PIAS2: variants seen among roughly 807,000 people sequenced by gnomAD.
PIAS2 encodes E3 SUMO-protein ligase PIAS2.
Under a neutral mutation model 69.7 loss-of-function variants are expected in PIAS2, and 19 were observed. The observed-to-expected ratio is 0.27, with a 90% CI of 0.19 to 0.40. The LOEUF (loss-of-function observed/expected upper bound fraction) is 0.40. Ranked by LOEUF, PIAS2 falls within the 10% of genes least tolerant of loss-of-function variation. PIAS2 has a pLI of 1.00. For missense variants in PIAS2, 624 were observed against 757.0 expected (o/e 0.82, Z 2.06); for synonymous variants, 261 against 263.2 (o/e 0.99, Z 0.08).
At position 46,811,228 on chromosome 18, in the gene PIAS2, G is replaced by A. The variant is rs886339894; in HGVS notation, c.*1205C>T. 2 of 148,870 alleles carry A rather than the reference G, an allele frequency of 1.3e-5. No homozygotes were observed. Among genetic ancestry groups the A allele is most frequent in the Non-Finnish European group, 3.0e-5 (2 of 67,518 alleles). 9.2% of individuals were successfully genotyped at this position (148,870 alleles called of 1,614,324 possible). On this transcript the variant is annotated 3_prime_UTR_variant, in exon 14 of 14. Transcript: ENST00000585916. ...CAAACATTTCTAATTCTCTTTTGTC[G>A]TTTGTAGTTTCAGGTAAGATATCAT...
chr18:46,806,876 A>T lies in PIAS2; in HGVS notation c.*5557T>A, dbSNP rs954138049. 7.9e-5 allele frequency: 12 copies of T among 152,198 alleles called. No homozygotes were observed. The highest frequency in any genetic ancestry group is 4.1e-4 in the South Asian group (2 of 4,826). 9.4% of individuals were successfully genotyped at this position (152,198 alleles called of 1,614,324 possible). The stretch of plus-strand genomic sequence containing the variant: ...TTGAGAACACAAAATAAAGCTTTTT[A>T]AAAAAGCCATTCAGAAATAGGAAGC... On this transcript the variant is annotated 3_prime_UTR_variant, in exon 14 of 14. Transcript: ENST00000585916.
intron 12 of PIAS2, chr18:46,818,099 T>A (rs781230295): frequency 9.4e-5 from 96 of 1,022,814 alleles, no homozygotes; most frequent in Non-Finnish European, 1.1e-4. Context: ...AATTTTAATT[T>A]AAAAATTTTA....
chr18:46,857,295 G>GTTGTA (rs2047984508), intron 3 of PIAS2, among the ~76,000 whole-genome samples: 1 of 152,154 alleles, frequency 6.6e-6, no homozygotes, highest in Admixed American at 6.5e-5. Flanking sequence ...CACAGTATTT[G>GTTGTA]CTTCAAAGGA....
At chr18:46,906,656 G>T (rs1012667232) in intron 1 of PIAS2, among the ~76,000 whole-genome samples, 1 of 151,654 alleles carries the variant, frequency 6.6e-6, no homozygotes, top group Admixed American at 6.6e-5. Context: ...TAAAAGAAAT[G>T]GAGATTACAA....
intron 11 of PIAS2, among the ~76,000 whole-genome samples, chr18:46,824,111 T>G (rs1200147230): frequency 6.6e-6 from 1 of 152,224 alleles, no homozygotes; most frequent in Non-Finnish European, 1.5e-5. Context: ...TGTAACTTTA[T>G]CCATAATATC....
chr18:46,886,218 G>A (rs981030089), intron 2 of PIAS2, among the ~76,000 whole-genome samples: 2 of 150,652 alleles, frequency 1.3e-5, no homozygotes, highest in African/African-American at 5.0e-5. Context: ...CATTCCTGAG[G>A]GGCCTCATGA....
intron 2 of PIAS2, among the ~76,000 whole-genome samples, chr18:46,882,448 T>C (rs897303710): frequency 6.6e-6 from 1 of 152,202 alleles, no homozygotes; most frequent in African/African-American, 2.4e-5. Flanking sequence ...CTGTGGAAGC[T>C]ACTGTCGAAT....
chr18:46,812,806 C>T lies in PIAS2; in HGVS notation c.1687-194G>A, dbSNP rs2041104765. On this transcript the variant is annotated intron_variant, in intron 13 of 13. Coordinates refer to ENST00000585916, the MANE Select transcript of PIAS2 (RefSeq NM_004671.5). ...GCTATTTTACATTATTTAGAGAATG[C>T]AGCATATATTCTTGATTCTCTCTAA... Among the ~76,000 whole-genome samples the T allele has an allele frequency of 2.0e-5, 3 of 152,228 alleles. No homozygotes were observed. In the South Asian group the frequency reaches 6.2e-4, roughly 32 times the overall value.
chr18:46,815,632 T>A lies in PIAS2; in HGVS notation c.1649-283A>T, dbSNP rs1023896612. The A allele has an allele frequency of 6.5e-6, 7 of 1,077,224 alleles. No homozygotes were observed. In the African/African-American group the frequency reaches 1.0e-4, roughly 15 times the overall value. The allele number at this position is 1,077,224 out of a possible 1,614,324, so 66.7% of individuals were successfully genotyped here. On this transcript the variant is annotated intron_variant, in intron 12 of 13. Coordinates refer to ENST00000585916, the MANE Select transcript of PIAS2 (RefSeq NM_004671.5). ...TAGTCAAAACAAATATTTCCCCCTTTGCCGCTTAACAGAATGAGAAGCAAT... is the reference window on the plus strand; with the variant it reads ...TAGTCAAAACAAATATTTCCCCCTTAGCCGCTTAACAGAATGAGAAGCAAT...
intron 3 of PIAS2, among the ~76,000 whole-genome samples, chr18:46,859,073 T>C (rs1458651011): frequency 6.6e-6 from 1 of 152,158 alleles, no homozygotes; most frequent in East Asian, 1.9e-4. Flanking sequence ...CTAAAGACCA[T>C]ACTAGCTCCC....
At chr18:46,858,716 C>A (rs2048212157) in intron 3 of PIAS2, among the ~76,000 whole-genome samples, 1 of 152,076 alleles carries the variant, frequency 6.6e-6, no homozygotes, top group African/African-American at 2.4e-5. Flanking sequence ...ATAGTAATTT[C>A]AAATGAGGGC....
rs1407553046 is a variant in PIAS2 at position 46,844,795 on chromosome 18, G to A, written c.906C>T (p.Ala302=). 1 of 1,487,320 alleles carries A rather than the reference G, an allele frequency of 6.7e-7. No individual in the cohort carries two copies. Among genetic ancestry groups the A allele is most frequent in the Non-Finnish European group, 8.9e-7 (1 of 1,121,140 alleles). 92.1% of individuals were successfully genotyped at this position (1,487,320 alleles called of 1,614,324 possible). The change falls in exon 7 of 14, where the codon GCC becomes GCT. Residue 302 remains alanine (A), a synonymous_variant. Coordinates refer to ENST00000585916, the MANE Select transcript of PIAS2 (RefSeq NM_004671.5). ...SVYLVRQLTS[A]MLLQRLKMKG... is the part of the protein sequence containing the mutation. ...TCATTTTTAATCTCTGTAATAACAT[G>A]GCTGATGTAAGCTGCCGTACAAGAT...
At chr18:46,911,443 T>C (rs1254923838) in intron 1 of PIAS2, among the ~76,000 whole-genome samples, 1 of 151,976 alleles carries the variant, frequency 6.6e-6, no homozygotes, top group African/African-American at 2.4e-5. Context: ...CTCTAACTCC[T>C]GACCTGAGGC....
intron 2 of PIAS2, among the ~76,000 whole-genome samples, chr18:46,884,320 T>C (rs563543192): frequency 5.9e-5 from 9 of 151,964 alleles, no homozygotes; most frequent in African/African-American, 2.2e-4. Context: ...ATTTATTTTT[T>C]ATTTTTTTTT....
chr18:46,815,679 T>C (rs2041439872), intron 12 of PIAS2: 2 of 1,021,982 alleles, frequency 2.0e-6, no homozygotes, highest in Admixed American at 5.7e-5. Context: ...GCTAATGATC[T>C]GGATTTGAAC....
intron 9 of PIAS2, among the ~76,000 whole-genome samples, chr18:46,832,307 TG>T (rs1201326444): frequency 6.6e-6 from 1 of 151,720 alleles, no homozygotes; most frequent in Non-Finnish European, 1.5e-5. Context: ...CCCAGCTACT[TG>T]GGAGGCTGAG....
chr18:46,862,319 A>G (rs1443149544), intron 3 of PIAS2, among the ~76,000 whole-genome samples: 3 of 152,132 alleles, frequency 2.0e-5, no homozygotes, highest in Non-Finnish European at 2.9e-5. Flanking sequence ...TGGATGACAG[A>G]GCGAGACTCT....
At chr18:46,834,637 CAG>C (rs150268161) in intron 9 of PIAS2, among the ~76,000 whole-genome samples, 3,935 of 152,194 alleles carry the variant, frequency 0.026, 96 homozygotes, top group Middle Eastern at 0.048. Flanking sequence ...ACTTTTGAAA[CAG>C]AGTCTTTCTC....
At chr18:46,832,052 G>A (rs1322866747) in intron 9 of PIAS2, among the ~76,000 whole-genome samples, 2 of 152,076 alleles carry the variant, frequency 1.3e-5, no homozygotes, top group African/African-American at 4.8e-5. Context: ...CATATACCTG[G>A]TAAGACGTTT....
Sources: allele counts gnomAD v4.1 joint callset (sites outside exome capture counted in the v4.1 genomes callset), GRCh38; gene constraint gnomAD v4.1.1; transcripts MANE v1.5; gene names NCBI Gene and HGNC (gene_info 2026-07-23, HGNC 2026-07-21).